Variants in PPP1R12B observed in about 807,000 individuals in gnomAD.
PPP1R12B encodes the protein protein phosphatase 1 regulatory subunit 12B.
Under a neutral mutation model 126.1 loss-of-function variants are expected in PPP1R12B, and 76 were observed. That is an observed-to-expected ratio of 0.60 (90% CI 0.50 to 0.73). PPP1R12B has a LOEUF of 0.73. Among genes scored for constraint, PPP1R12B ranks in the 30% least tolerant of loss-of-function variants. PPP1R12B has a pLI of 0.00. For synonymous variants in PPP1R12B, 356 were observed against 434.7 expected, an observed-to-expected ratio of 0.82 and a Z score of 2.25; for missense variants, 1,052 against 1,205.1, an observed-to-expected ratio of 0.87 and a Z score of 1.88.
chr1:202,574,859 C>CTTTCTCA, intron 23 of PPP1R12B: 1 of 796,168 alleles, frequency 1.3e-6, no homozygotes, highest in Non-Finnish European at 1.9e-6. Flanking sequence ...TGACTCCTGC[C>CTTTCTCA]TTTCTCATTT....
chr1:202,356,707 T>C (rs1241518660), intron 1 of PPP1R12B, among the ~76,000 whole-genome samples: 2 of 151,960 alleles, frequency 1.3e-5, no homozygotes, highest in Non-Finnish European at 2.9e-5. Flanking sequence ...GGAATGCAGG[T>C]GGACCCTAGA....
At chr1:202,393,255 A>T (rs117291227) in intron 1 of PPP1R12B, among the ~76,000 whole-genome samples, 1 of 152,128 alleles carries the variant, frequency 6.6e-6, no homozygotes, top group Non-Finnish European at 1.5e-5. Context: ...GCCTGAAATT[A>T]TATACTTTAA....
chr1:202,367,848 T>C (rs1302255341), intron 1 of PPP1R12B, among the ~76,000 whole-genome samples: 1 of 152,206 alleles, frequency 6.6e-6, no homozygotes, highest in Non-Finnish European at 1.5e-5. Flanking sequence ...CATGTTGAGA[T>C]GTAATCTGCA....
chr1:202,488,495 A>G (rs1245706089), intron 13 of PPP1R12B, 38 bp from the exon 14 acceptor site: 3 of 1,465,156 alleles, frequency 2.0e-6, no homozygotes, highest in Non-Finnish European at 2.8e-6. Context: ...ATATGCAGCA[A>G]AGATCTTGCT....
chr1:202,525,650 G>C (rs1438547904), intron 18 of PPP1R12B, among the ~76,000 whole-genome samples: 1 of 150,912 alleles, frequency 6.6e-6, no homozygotes, highest in Non-Finnish European at 1.5e-5. Flanking sequence ...CAGGAAGGGG[G>C]GTTAGCAAGG....
At chr1:202,462,804 G>C in intron 13 of PPP1R12B, 1 of 985,398 alleles carries the variant, frequency 1.0e-6, no homozygotes, top group Non-Finnish European at 1.2e-6. Context: ...CAGAGGAGTG[G>C]CCACCTGTTT....
In PPP1R12B at chr1:202,529,072, A is replaced by G. The variant is rs189379802; in HGVS notation, c.2491-29805A>G. On this transcript the variant is annotated intron_variant, in intron 18 of 23. Transcript: ENST00000608999. ...AAATAAGTTGAAGATAAAGGAAATG[A>G]GAGGGTAAACCTAGTAGTACAATGG... Among the ~76,000 whole-genome samples, 426 of 152,318 alleles carry G rather than the reference A, an allele frequency of 2.8e-3. 3 individuals are homozygous for G. Among genetic ancestry groups the G allele is most frequent in the Non-Finnish European group, 4.1e-3 (279 of 68,014 alleles).
intron 18 of PPP1R12B, among the ~76,000 whole-genome samples, chr1:202,555,085 A>G (rs1686745438): frequency 6.6e-6 from 1 of 151,934 alleles, no homozygotes; most frequent in African/African-American, 2.4e-5. Context: ...GTGTTTTTCA[A>G]TTTTTAAGTG....
intron 1 of PPP1R12B, among the ~76,000 whole-genome samples, chr1:202,349,481 G>A (rs1655540739): frequency 6.6e-6 from 1 of 152,134 alleles, no homozygotes; most frequent in Non-Finnish European, 1.5e-5. Flanking sequence ...CCTGCACACC[G>A]CGTCACTCAT....
At chr1:202,512,833 G>A (rs1208177397) in intron 18 of PPP1R12B, among the ~76,000 whole-genome samples, 2 of 152,080 alleles carry the variant, frequency 1.3e-5, no homozygotes, top group Non-Finnish European at 2.9e-5. Flanking sequence ...TCATGTTTTA[G>A]GTTAAGCACC....
At chr1:202,420,967 CTTT>C (rs56164548) in intron 2 of PPP1R12B, among the ~76,000 whole-genome samples, 4 of 118,548 alleles carry the variant, frequency 3.4e-5, no homozygotes, top group South Asian at 3.0e-4. Flanking sequence ...CCTCTGCCAA[CTTT>C]TTTTTTTTTT....
Position 202,447,925 on chromosome 1 carries a change from C to T in PPP1R12B, c.1668-1064C>T, listed in dbSNP as rs190468921. Among the ~76,000 whole-genome samples, 522 of 151,992 alleles carry T rather than the reference C, an allele frequency of 3.4e-3. 1 individual carries two copies. The Middle Eastern group carries it at 0.037, about 11-fold the overall frequency. On this transcript the variant is annotated intron_variant, in intron 12 of 23. Transcript: ENST00000608999. ...CTTTTTTCTTAGTCATTAATTGCTT[C>T]TGGAGAAGTAGCATGTGTTTTTTTA...
chr1:202,568,978 C>T (rs970379625), intron 22 of PPP1R12B, among the ~76,000 whole-genome samples, 169 bp from the exon 23 acceptor site: 10 of 152,120 alleles, frequency 6.6e-5, no homozygotes, highest in Non-Finnish European at 1.3e-4. Context: ...GTAGCTCCAT[C>T]TTACAAGTGG....
intron 13 of PPP1R12B, among the ~76,000 whole-genome samples, chr1:202,486,608 C>A (rs1338710112): frequency 6.6e-6 from 1 of 152,112 alleles, no homozygotes; most frequent in East Asian, 1.9e-4. Flanking sequence ...AGTTCAAGAT[C>A]AGCCTAGGCA....
chr1:202,416,006 G>A (rs1436762445), intron 1 of PPP1R12B, among the ~76,000 whole-genome samples: 2 of 151,972 alleles, frequency 1.3e-5, no homozygotes, highest in South Asian at 2.1e-4. Context: ...ATGTTACCCA[G>A]GCTGGTCTCA....
chr1:202,424,297 A>G (rs1669206926), intron 3 of PPP1R12B, among the ~76,000 whole-genome samples: 1 of 151,462 alleles, frequency 6.6e-6, no homozygotes, highest in African/African-American at 2.4e-5. Context: ...AATCACACAG[A>G]TAATACTTAG....
chr1:202,540,250 C>A, intron 18 of PPP1R12B: 1 of 1,564,678 alleles, frequency 6.4e-7, no homozygotes, highest in Non-Finnish European at 8.8e-7. Context: ...GAGTAAGCAG[C>A]ATTTTTTATT....
At chr1:202,483,146 C>T (rs1158133421) in intron 13 of PPP1R12B, among the ~76,000 whole-genome samples, 1 of 151,932 alleles carries the variant, frequency 6.6e-6, no homozygotes, top group Non-Finnish European at 1.5e-5. Flanking sequence ...TGTTATTATA[C>T]ATTTGTAGTA....
intron 3 of PPP1R12B, among the ~76,000 whole-genome samples, chr1:202,424,764 A>C (rs1468467582): frequency 6.6e-6 from 1 of 152,136 alleles, no homozygotes; most frequent in Non-Finnish European, 1.5e-5. Flanking sequence ...ACCCCTTTTC[A>C]CTGGCACAGA....
Sources: gnomAD v4.1 joint callset for allele counts (sites outside exome capture counted in the v4.1 genomes callset) on GRCh38, gnomAD v4.1.1 for gene constraint, MANE v1.5 for transcripts, NCBI Gene and HGNC (gene_info 2026-07-23, HGNC 2026-07-21) for gene names.